NRXN2: variants seen among roughly 807,000 people sequenced by gnomAD.
The protein encoded by NRXN2 is neurexin 2.
In NRXN2, 29 loss-of-function variants were observed where a neutral mutation model predicts 128.8. That is an observed-to-expected ratio of 0.23 (90% CI 0.17 to 0.31). The LOEUF (loss-of-function observed/expected upper bound fraction) is 0.31, where lower values mean the gene tolerates loss of function less well. NRXN2 is among the 10% of genes least tolerant of loss of function. NRXN2 has a pLI of 1.00. For synonymous variants in NRXN2, 1,098 were observed against 1,075.2 expected (o/e 1.02, Z -0.41); for missense variants, 1,881 against 2,452.6 (o/e 0.77, Z 4.92).
intron 21 of NRXN2, among the ~76,000 whole-genome samples, chr11:64,621,345 A>G (rs2042319014): frequency 6.6e-6 from 1 of 152,094 alleles, no homozygotes; most frequent in Admixed American, 6.5e-5. Flanking sequence ...GAGACCAGAC[A>G]GCCCCTCGTC....
At chr11:64,715,482 T>G (rs1325090477) in intron 1 of NRXN2, among the ~76,000 whole-genome samples, 1 of 152,044 alleles carries the variant, frequency 6.6e-6, no homozygotes, top group African/African-American at 2.4e-5. Flanking sequence ...AGTGAGGAGC[T>G]GAAGAGCTAT....
chr11:64,667,627 G>GCCA lies in NRXN2; in HGVS notation c.1420_1421insTGG (p.Pro474delinsLeuAla). 1 of 1,614,202 alleles carries GCCA rather than the reference G, an allele frequency of 6.2e-7. No individual in the cohort carries two copies. The highest frequency in any genetic ancestry group is 8.5e-7 in the Non-Finnish European group (1 of 1,180,028). On this transcript the variant is annotated protein_altering_variant, in exon 9 of 23. Coordinates refer to ENST00000265459, the MANE Select transcript of NRXN2 (RefSeq NM_015080.4). This position sits in a 1 kb window ranked among gnomAD's most constrained non-coding sequence, Gnocchi z 5.6. ...CAAGTCCCCCTGCAGCTTCATCTTGGGGTCCCCTTCCTTTGCCAGGCGGGA... is the reference window on the plus strand; with the variant it reads ...CAAGTCCCCCTGCAGCTTCATCTTGGCCAGGTCCCCTTCCTTTGCCAGGCGGGA...
chr11:64,721,236 G>A (rs1022078681), intron 1 of NRXN2, among the ~76,000 whole-genome samples: 1 of 151,936 alleles, frequency 6.6e-6, no homozygotes, highest in Non-Finnish European at 1.5e-5. Flanking sequence ...AAGCGGGAGG[G>A]AGCAGCTGGA....
intron 2 of NRXN2, chr11:64,712,582 C>T (rs559023349): frequency 2.6e-5 from 10 of 383,324 alleles, no homozygotes; most frequent in Non-Finnish European, 5.5e-5. Context: ...CCGCCCACTG[C>T]CTTTAATGGG....
chr11:64,623,317 A>G lies in NRXN2; in HGVS notation c.3848-239T>C. On this transcript the variant is annotated intron_variant, in intron 20 of 22. Transcript: ENST00000265459. This position sits in a 1 kb window ranked among gnomAD's most constrained non-coding sequence, Gnocchi z 4.9. Reference sequence around the variant, plus strand: ...CAGAAGGGGAGGGCACCCAGGGTACACATGGGCTGGGGAAGGGGAGCCCAG... The same window carrying G: ...CAGAAGGGGAGGGCACCCAGGGTACGCATGGGCTGGGGAAGGGGAGCCCAG... 1 of 634,652 alleles carries G rather than the reference A, an allele frequency of 1.6e-6. No individual in the cohort carries two copies. The highest frequency in any genetic ancestry group is 2.7e-6 in the Non-Finnish European group (1 of 375,614). 39.3% of individuals were successfully genotyped at this position (634,652 alleles called of 1,614,324 possible).
At position 64,651,902 on chromosome 11, in the gene NRXN2, A is replaced by T; in HGVS notation, c.2536+133T>A. Reference sequence around the variant, plus strand: ...GATGCCCATAACATTCCACCCCTGAAGGAGAAATGGCAGAGGCAGCTTGCC... The same window carrying T: ...GATGCCCATAACATTCCACCCCTGATGGAGAAATGGCAGAGGCAGCTTGCC... On this transcript the variant is annotated intron_variant, in intron 13 of 22. Transcript: ENST00000265459. This position sits in a 1 kb window ranked among gnomAD's most constrained non-coding sequence, Gnocchi z 5.9. The T allele has an allele frequency of 1.4e-6, 2 of 1,394,990 alleles. No homozygotes were observed. Among genetic ancestry groups the T allele is most frequent in the South Asian group, 1.2e-5 (1 of 85,872 alleles). 86.4% of individuals were successfully genotyped at this position (1,394,990 alleles called of 1,614,324 possible). A position where few individuals can be genotyped will look rare whatever the true frequency, so the allele number is the denominator to read the frequency against.
intron 7 of NRXN2, among the ~76,000 whole-genome samples, chr11:64,671,533 TG>T (rs1230253363): frequency 6.7e-6 from 1 of 149,524 alleles, no homozygotes; most frequent in Non-Finnish European, 1.5e-5. Context: ...GTGGGGCCGG[TG>T]GGGGAGGAGG....
At chr11:64,674,823 C>A (rs1279681409) in intron 7 of NRXN2, among the ~76,000 whole-genome samples, 1 of 152,232 alleles carries the variant, frequency 6.6e-6, no homozygotes, top group East Asian at 1.9e-4. Context: ...ATTTCCTTTA[C>A]AGAGTACAAA....
intron 22 of NRXN2, among the ~76,000 whole-genome samples, chr11:64,617,766 C>A (rs770826661): frequency 6.6e-6 from 1 of 152,200 alleles, no homozygotes; most frequent in African/African-American, 2.4e-5. Context: ...ATGGTCTACA[C>A]GAGACTGGGA....
At chr11:64,642,260 T>C (rs1018233610) in intron 17 of NRXN2, among the ~76,000 whole-genome samples, 5 of 150,856 alleles carry the variant, frequency 3.3e-5, no homozygotes, top group South Asian at 2.1e-4. Flanking sequence ...AAGGAGATAA[T>C]GAACCAGACC....
At position 64,630,068 on chromosome 11, in the gene NRXN2, G is replaced by A. The variant is rs1314710217; in HGVS notation, c.3757+334C>T. Among the ~76,000 whole-genome samples, 1 of 151,864 alleles carries A rather than the reference G, an allele frequency of 6.6e-6. No homozygotes were observed. The highest frequency in any genetic ancestry group is 1.5e-5 in the Non-Finnish European group (1 of 67,960). On this transcript the variant is annotated intron_variant, in intron 19 of 22. Transcript: ENST00000265459. This position sits in a 1 kb window ranked among gnomAD's most constrained non-coding sequence, Gnocchi z 4.6. ...ACTCAACCTTTCCGCAATCGCATCAGATTCTCCTCACCTCTACCCTCCCTC... is the reference window on the plus strand; with the variant it reads ...ACTCAACCTTTCCGCAATCGCATCAAATTCTCCTCACCTCTACCCTCCCTC...
At chr11:64,658,432 CTG>C (rs1490252603) in intron 11 of NRXN2, among the ~76,000 whole-genome samples, 1 of 152,220 alleles carries the variant, frequency 6.6e-6, no homozygotes, top group Non-Finnish European at 1.5e-5. Context: ...CTGCTTTCCC[CTG>C]CAGAGCTGCT....
chr11:64,671,433 CAG>C (rs1425162977), intron 7 of NRXN2, among the ~76,000 whole-genome samples: 6 of 152,130 alleles, frequency 3.9e-5, no homozygotes, highest in Admixed American at 2.0e-4. Flanking sequence ...AAGCAGGAAA[CAG>C]GGGAATAATT....
At position 64,654,083 on chromosome 11, in the gene NRXN2, CCCA is replaced by C. The variant is rs199714854; in HGVS notation, c.2390-364_2390-362del. The stretch of plus-strand genomic sequence containing the variant: ...AATGGGGGCCGAGGGCTTGACCAAC[CCCA>C]CATCTCCCCTGTCTCTGGGAGGGAG... On this transcript the variant is annotated intron_variant, in intron 11 of 22. Transcript: ENST00000265459. Among the ~76,000 whole-genome samples the C allele has an allele frequency of 3.3e-5, 5 of 152,304 alleles. No individual in the cohort carries two copies. In the East Asian group the frequency reaches 9.7e-4, roughly 29 times the overall value.
chr11:64,610,501 T>C (rs555779606), intron 22 of NRXN2, among the ~76,000 whole-genome samples: 7 of 152,276 alleles, frequency 4.6e-5, no homozygotes, highest in African/African-American at 1.7e-4. Context: ...GCTGCTTGAC[T>C]CTTGGCTTGG....
chr11:64,663,294 G>A (rs1302103124), intron 9 of NRXN2, among the ~76,000 whole-genome samples: 1 of 151,684 alleles, frequency 6.6e-6, no homozygotes, highest in African/African-American at 2.4e-5. Context: ...TTAAACCTGG[G>A]AGGCAGAGGT....
At chr11:64,681,324 G>T (rs930568044) in intron 6 of NRXN2, among the ~76,000 whole-genome samples, 2 of 152,028 alleles carry the variant, frequency 1.3e-5, no homozygotes, top group African/African-American at 4.8e-5. Context: ...ATAGTTGCAG[G>T]TATTAAGCAA....
At chr11:64,634,561 GCAGGCA>G (rs2044403564) in intron 18 of NRXN2, among the ~76,000 whole-genome samples, 1 of 152,164 alleles carries the variant, frequency 6.6e-6, no homozygotes, top group Non-Finnish European at 1.5e-5. Flanking sequence ...AAGGTGGGTA[GCAGGCA>G]CAGGGAGGGG....
chr11:64,654,459 G>T (rs1056297261), intron 11 of NRXN2, among the ~76,000 whole-genome samples: 1 of 152,212 alleles, frequency 6.6e-6, no homozygotes, highest in Non-Finnish European at 1.5e-5. Flanking sequence ...CCCAAAATAT[G>T]ATTTCTCTGA....
Sources: allele counts gnomAD v4.1 joint callset (sites outside exome capture counted in the v4.1 genomes callset), GRCh38; gene constraint gnomAD v4.1.1; non-coding constraint Gnocchi (gnomAD v3.1); transcripts MANE v1.5; gene names NCBI Gene and HGNC (gene_info 2026-07-23, HGNC 2026-07-21).